Variants in TRIO observed in about 807,000 individuals in gnomAD.
TRIO encodes the protein triple functional domain protein.
TRIO carries 58 observed loss-of-function variants against 351.9 expected under a neutral mutation model. The observed-to-expected ratio is 0.16, with a 90% CI of 0.13 to 0.21. The LOEUF (loss-of-function observed/expected upper bound fraction) is 0.21, where lower values mean the gene tolerates loss of function less well. TRIO is among the 10% of genes least tolerant of loss of function. TRIO has a pLI of 1.00. For synonymous variants in TRIO, 1,758 were observed against 1,595.7 expected, an observed-to-expected ratio of 1.10 and a Z score of -2.42; for missense variants, 3,201 against 4,027.8, an observed-to-expected ratio of 0.79 and a Z score of 5.56.
chr5:14,221,377 C>T (rs1228896860), intron 1 of TRIO, among the ~76,000 whole-genome samples: 1 of 152,174 alleles, frequency 6.6e-6, no homozygotes, highest in African/African-American at 2.4e-5. Context: ...CTAATTTTGA[C>T]TTCCAAGTCT....
intron 33 of TRIO, among the ~76,000 whole-genome samples, chr5:14,407,713 C>CT (rs1579567410): frequency 6.6e-6 from 1 of 152,172 alleles, no homozygotes; most frequent in African/African-American, 2.4e-5. Context: ...CAGAAGCAGC[C>CT]TAGAGTATCT....
At chr5:14,151,634 A>AT (rs1253187375) in intron 1 of TRIO, among the ~76,000 whole-genome samples, 3 of 152,238 alleles carry the variant, frequency 2.0e-5, no homozygotes, top group Non-Finnish European at 4.4e-5. Context: ...AATGATGTGC[A>AT]TATGAGAAGT....
chr5:14,268,622 C>A (rs551583411), intron 1 of TRIO, among the ~76,000 whole-genome samples: 2 of 152,286 alleles, frequency 1.3e-5, no homozygotes, highest in Admixed American at 6.5e-5. Context: ...GGGAATCCTC[C>A]CTTCAAACAG....
In TRIO at chr5:14,474,870, T is replaced by C. The variant is rs150958650; in HGVS notation, c.6083+773T>C. ...TTGGTTTTCGTAGACAAACACGGGCTTGCTGTGTTGCCTAAGCTGGTCTTG... is the reference window on the plus strand; with the variant it reads ...TTGGTTTTCGTAGACAAACACGGGCCTGCTGTGTTGCCTAAGCTGGTCTTG... On this transcript the variant is annotated intron_variant, in intron 40 of 56. Transcript: ENST00000344204. Among the ~76,000 whole-genome samples the C allele has an allele frequency of 2.7e-4, 41 of 152,264 alleles. No homozygotes were observed. The East Asian group carries it at 7.3e-3, about 27-fold the overall frequency.
intron 46 of TRIO, 56 bp downstream of exon 46, chr5:14,482,829 A>T: frequency 1.4e-6 from 2 of 1,384,862 alleles, no homozygotes; most frequent in Non-Finnish European, 1.9e-6. Flanking sequence ...CGTCACACCG[A>T]TACACTGTTT....
chr5:14,360,946 T>C (rs58443103), intron 13 of TRIO, among the ~76,000 whole-genome samples: 5,105 of 152,276 alleles, frequency 0.034, 312 homozygotes, highest in African/African-American at 0.12. Flanking sequence ...CATGGAGCCA[T>C]GTGGAGAAGA....
At position 14,437,410 on chromosome 5, in the gene TRIO, C is replaced by T. The variant is rs115106155; in HGVS notation, c.5203+17389C>T. ...GTTCAGCTGGGTTCATTGGTTTCTGCGTATTTATATTCCATTTGGAGTATA... is the reference window on the plus strand; with the variant it reads ...GTTCAGCTGGGTTCATTGGTTTCTGTGTATTTATATTCCATTTGGAGTATA... On this transcript the variant is annotated intron_variant, in intron 34 of 56. Transcript: ENST00000344204. Among the ~76,000 whole-genome samples the T allele has an allele frequency of 5.8e-3, 884 of 152,274 alleles. 8 individuals are homozygous for T. The highest frequency in any genetic ancestry group is 0.02 in the African/African-American group (829 of 41,538).
At chr5:14,328,345 C>T (rs577025245) in intron 9 of TRIO, among the ~76,000 whole-genome samples, 27 of 152,326 alleles carry the variant, frequency 1.8e-4, no homozygotes, top group South Asian at 8.3e-4. Context: ...GCACTGAATA[C>T]GCTTGTTAAA....
chr5:14,467,870 C>T (rs1322387499), intron 37 of TRIO, among the ~76,000 whole-genome samples: 1 of 152,090 alleles, frequency 6.6e-6, no homozygotes, highest in African/African-American at 2.4e-5. Context: ...CAGCTACATC[C>T]TTGGTATCTC....
In TRIO at chr5:14,406,633, C is replaced by T. The variant is rs147339578; in HGVS notation, c.4920C>T (p.Ile1640=). The change falls in exon 33 of 57, where the codon ATC becomes ATT. Residue 1640 remains isoleucine, a synonymous_variant. Coordinates refer to ENST00000344204, the MANE Select transcript of TRIO (RefSeq NM_007118.4). ...GCAGCCAGCCTGATACGATTTCCAT[C>T]GCCTCACGGACGTCTCAGAACACGC... ...DGSSQPDTIS[I]ASRTSQNTLD... The T allele has an allele frequency of 1.9e-4, 311 of 1,613,952 alleles. No individual in the cohort carries two copies. Among genetic ancestry groups the T allele is most frequent in the Non-Finnish European group, 2.5e-4 (300 of 1,179,984 alleles).
chr5:14,252,789 G>C (rs1025256562), intron 1 of TRIO, among the ~76,000 whole-genome samples: 5 of 152,202 alleles, frequency 3.3e-5, no homozygotes, highest in African/African-American at 4.8e-5. Flanking sequence ...CCAGGAGAGA[G>C]GGACGAGGTT....
In TRIO at chr5:14,507,078, A is replaced by G. The variant is rs376710664; in HGVS notation, c.8613-44A>G. 4.6e-6 allele frequency: 7 copies of G among 1,534,304 alleles called. No homozygotes were observed. The African/African-American group carries it at 8.4e-5, about 18-fold the overall frequency. On this transcript the variant is annotated intron_variant, in intron 55 of 56. Transcript: ENST00000344204. ...TTCTTACTAGCCCAAAGAGGTCTTC[A>G]AAGCAAATCGCATCATAACAGTCAC... is the stretch of plus-strand genomic sequence containing the variant.
At chr5:14,345,018 A>G (rs546361772) in intron 11 of TRIO, among the ~76,000 whole-genome samples, 1 of 152,238 alleles carries the variant, frequency 6.6e-6, no homozygotes, top group Non-Finnish European at 1.5e-5. Context: ...ACATGTATAA[A>G]GCATTTGTAC....
intron 5 of TRIO, 124 bp from the exon 6 acceptor site, chr5:14,292,888 C>A (rs1387231153): frequency 8.8e-6 from 12 of 1,363,658 alleles, no homozygotes; most frequent in Non-Finnish European, 9.1e-6. Context: ...CTGAGAGAAT[C>A]AGACAGCGCT....
chr5:14,191,609 G>C (rs1304979223), intron 1 of TRIO, among the ~76,000 whole-genome samples: 1 of 151,138 alleles, frequency 6.6e-6, no homozygotes, highest in Non-Finnish European at 1.5e-5. Context: ...ACAGCAAACT[G>C]TCCACTTATT....
chr5:14,217,412 G>A (rs975256553), intron 1 of TRIO, among the ~76,000 whole-genome samples: 1 of 152,130 alleles, frequency 6.6e-6, no homozygotes, highest in African/African-American at 2.4e-5. Context: ...GAGAGTGAGA[G>A]TTGTTGCATT....
chr5:14,402,131 T>C (rs1028878408), intron 31 of TRIO, among the ~76,000 whole-genome samples: 1 of 152,222 alleles, frequency 6.6e-6, no homozygotes, highest in East Asian at 1.9e-4. Context: ...GTTGCACCGA[T>C]AGCTAAATTT....
intron 34 of TRIO, among the ~76,000 whole-genome samples, chr5:14,436,127 C>G (rs1751571623): frequency 6.6e-6 from 1 of 152,152 alleles, no homozygotes; most frequent in Non-Finnish European, 1.5e-5. Context: ...ACTGCTGAGA[C>G]TAGGCAATTT....
intron 33 of TRIO, among the ~76,000 whole-genome samples, chr5:14,407,273 C>T (rs1340157809): frequency 1.3e-5 from 2 of 152,140 alleles, no homozygotes; most frequent in Non-Finnish European, 2.9e-5. Flanking sequence ...TTCAGAAGGT[C>T]ATGCTGTGAC....
Sources: allele counts gnomAD v4.1 joint callset (sites outside exome capture counted in the v4.1 genomes callset), GRCh38; gene constraint gnomAD v4.1.1; transcripts MANE v1.5; gene names NCBI Gene and HGNC (gene_info 2026-07-23, HGNC 2026-07-21).